TNFRSF17: variants seen among roughly 807,000 people sequenced by gnomAD.
TNFRSF17 encodes TNF receptor superfamily member 17.
TNFRSF17 carries 13 observed loss-of-function variants against 9.9 expected under a neutral mutation model. That is an observed-to-expected ratio of 1.31 (90% CI 0.85 to 2.08). TNFRSF17 has a LOEUF of 2.08. Ranked by LOEUF, TNFRSF17 falls within the 30% of genes most tolerant of loss-of-function variation. The pLI is 0.00. For synonymous variants in TNFRSF17, 99 were observed against 83.7 expected, an observed-to-expected ratio of 1.18 and a Z score of -1.00; for missense variants, 305 against 225.8, an observed-to-expected ratio of 1.35 and a Z score of -2.25.
intron 2 of TNFRSF17, chr16:11,967,024 G>A: frequency 5.2e-6 from 1 of 192,574 alleles, no homozygotes; most frequent in Non-Finnish European, 1.1e-5. Context: ...ATTTAGAGAT[G>A]GAGTCTCGCT....
chr16:11,965,439 C>A lies in TNFRSF17; in HGVS notation c.115C>A (p.Arg39Ser). The change falls in exon 1 of 3, where the codon CGT (arginine) becomes AGT (serine). Residue 39 changes from arginine to serine, a missense_variant. By Grantham distance (110) the Arg-to-Ser change is moderately radical. Coordinates refer to ENST00000053243, the MANE Select transcript of TNFRSF17 (RefSeq NM_001192.3). ...SSNTPPLTCQ[R>S]YCNASVTNSV... ...TAATACTCCTCCTCTAACATGTCAG[C>A]GTTATTGTAATGCAAGTAAGTAATA... The A allele has an allele frequency of 6.2e-7, 1 of 1,613,984 alleles. No homozygotes were observed. Among genetic ancestry groups the A allele is most frequent in the East Asian group, 2.2e-5 (1 of 44,882 alleles).
Position 11,967,755 on chromosome 16 carries a change from A to G in TNFRSF17, c.463A>G (p.Ile155Val). The G allele has an allele frequency of 6.2e-7, 1 of 1,614,222 alleles. No individual in the cohort carries two copies. The highest frequency in any genetic ancestry group is 8.5e-7 in the Non-Finnish European group (1 of 1,180,044). ...CCCAGCTATGGAGGAAGGCGCAACC[A>G]TTCTTGTCACCACGAAAACGAATGA... ...PLPAMEEGAT[I>V]LVTTKTNDYC... The change falls in exon 3 of 3, where the codon ATT becomes GTT. Residue 155 changes from isoleucine to valine, a missense_variant. Transcript: ENST00000053243.
chr16:11,967,551 T>G lies in TNFRSF17; in HGVS notation c.278-19T>G. 1 of 1,602,666 alleles carries G rather than the reference T, an allele frequency of 6.2e-7. No individual in the cohort carries two copies. Among genetic ancestry groups the G allele is most frequent in the Non-Finnish European group, 8.5e-7 (1 of 1,172,392 alleles). On this transcript the variant is annotated intron_variant, in intron 2 of 2. Coordinates refer to ENST00000053243, the MANE Select transcript of TNFRSF17 (RefSeq NM_001192.3). ...TCTCTGTGAAGTTTGGGTTAATGTT[T>G]CCGTTTCTACATAATTAGGATCAGG...
In TNFRSF17 at chr16:11,967,666, A is replaced by C. The variant is rs540411283; in HGVS notation, c.374A>C (p.Glu125Ala). 13 of 1,614,178 alleles carry C rather than the reference A, an allele frequency of 8.1e-6. No individual in the cohort carries two copies. The African/African-American group carries it at 1.6e-4, about 20-fold the overall frequency. ...AGAGGCCTCGAGTACACGGTGGAAG[A>C]ATGCACCTGTGAAGACTGCATCAAG... ...LPRGLEYTVE[E>A]CTCEDCIKSK... The change falls in exon 3 of 3, where the codon GAA becomes GCA. Residue 125 changes from glutamate to alanine, a missense_variant. Coordinates refer to ENST00000053243, the MANE Select transcript of TNFRSF17 (RefSeq NM_001192.3).
chr16:11,967,498 T>A, intron 2 of TNFRSF17, 72 bp from the exon 3 acceptor site: 1 of 1,455,256 alleles, frequency 6.9e-7, no homozygotes, highest in East Asian at 2.3e-5. Flanking sequence ...AGTCCCGATG[T>A]GTACTGCTAA....
In TNFRSF17 at chr16:11,966,228, T is replaced by A. The variant is rs768545253; in HGVS notation, c.164T>A (p.Ile55Asn). The change falls in exon 2 of 3, where the codon ATT (isoleucine) becomes AAT (asparagine). Residue 55 changes from isoleucine to asparagine, a missense_variant. Ile to Asn is a moderately radical substitution (Grantham distance 149). Transcript: ENST00000053243. ...AATTCAGTGAAAGGAACGAATGCGA[T>A]TCTCTGGACCTGTTTGGGACTGAGC... ...VTNSVKGTNA[I>N]LWTCLGLSLI... 2.5e-6 allele frequency: 4 copies of A among 1,613,708 alleles called. No individual in the cohort carries two copies. The South Asian group carries it at 4.4e-5, about 18-fold the overall frequency.
intron 2 of TNFRSF17, chr16:11,967,230 GACCACAA>G: frequency 8.4e-6 from 2 of 239,284 alleles, no homozygotes; most frequent in African/African-American, 2.3e-5. Flanking sequence ...TCAAGCTCCT[GACCACAA>G]GTGATCTGCC....
chr16:11,966,062 G>GA, intron 1 of TNFRSF17, 133 bp from the exon 2 acceptor site: 1 of 809,344 alleles, frequency 1.2e-6, no homozygotes, highest in South Asian at 2.7e-5. Flanking sequence ...AGTGAGCCGA[G>GA]ATCGCGCCAC....
rs749695144 is a variant in TNFRSF17 at position 11,967,586 on chromosome 16, C to T, written c.294C>T (p.Gly98=). The change falls in exon 3 of 3, where the codon GGC becomes GGT. Residue 98 remains glycine, a synonymous_variant. Coordinates refer to ENST00000053243, the MANE Select transcript of TNFRSF17 (RefSeq NM_001192.3). ...CATAATTAGGATCAGGTCTCCTGGG[C>T]ATGGCTAACATTGACCTGGAAAAGA... ...EFKNTGSGLL[G]MANIDLEKSR... The T allele has an allele frequency of 9.9e-6, 16 of 1,613,038 alleles. No homozygotes were observed. The highest frequency in any genetic ancestry group is 1.3e-5 in the Non-Finnish European group (15 of 1,179,260).
intron 2 of TNFRSF17, chr16:11,967,037 G>A: frequency 4.9e-6 from 1 of 203,276 alleles, no homozygotes; most frequent in Non-Finnish European, 1.0e-5. Context: ...GTCTCGCTCT[G>A]TGGCCCAGGC....
In TNFRSF17 at chr16:11,966,193, A is replaced by T; in HGVS notation, c.131-2A>T. 1 of 1,607,720 alleles carries T rather than the reference A, an allele frequency of 6.2e-7. No homozygotes were observed. Among genetic ancestry groups the T allele is most frequent in the South Asian group, 1.1e-5 (1 of 89,844 alleles). ...TATCTGTCTGATGTTCTTTTCATAAAGGTGTGACCAATTCAGTGAAAGGAA... is the reference window on the plus strand; with the variant it reads ...TATCTGTCTGATGTTCTTTTCATAATGGTGTGACCAATTCAGTGAAAGGAA... On this transcript the variant is annotated splice_acceptor_variant, in intron 1 of 2. Coordinates refer to ENST00000053243, the MANE Select transcript of TNFRSF17 (RefSeq NM_001192.3). LOFTEE classifies it high-confidence loss of function.
chr16:11,966,466 A>T (rs2055195159), intron 2 of TNFRSF17, 125 bp downstream of exon 2: 2 of 970,876 alleles, frequency 2.1e-6, no homozygotes, highest in Admixed American at 5.8e-5. Flanking sequence ...GTGTTAGAAC[A>T]TTGTTACATT....
At position 11,967,707 on chromosome 16, in the gene TNFRSF17, G is replaced by C. The variant is rs767893828; in HGVS notation, c.415G>C (p.Asp139His). The C allele has an allele frequency of 6.2e-7, 1 of 1,614,048 alleles. No homozygotes were observed. The change falls in exon 3 of 3, where the codon GAC becomes CAC. Residue 139 changes from aspartate (D) to histidine (H), a missense_variant. Coordinates refer to ENST00000053243, the MANE Select transcript of TNFRSF17 (RefSeq NM_001192.3). The part of the protein sequence containing the change: ...EDCIKSKPKV[D>H]SDHCFPLPAM... Reference sequence around the variant, plus strand: ...CTGCATCAAGAGCAAACCGAAGGTCGACTCTGACCATTGCTTTCCACTCCC... The same window carrying C: ...CTGCATCAAGAGCAAACCGAAGGTCCACTCTGACCATTGCTTTCCACTCCC...
At position 11,965,246 on chromosome 16, in the gene TNFRSF17, G is replaced by C; in HGVS notation, c.-79G>C. 1.9e-6 allele frequency: 3 copies of C among 1,571,268 alleles called. No individual in the cohort carries two copies. The highest frequency in any genetic ancestry group is 1.4e-5 in the African/African-American group (1 of 73,796). On this transcript the variant is annotated 5_prime_UTR_variant, in exon 1 of 3. Transcript: ENST00000053243. The stretch of plus-strand genomic sequence containing the variant: ...CATTCTAGCTGCTCTTGCTGCATTT[G>C]CTCTGGAATTCTTGTAGAGATATTA...
In TNFRSF17 at chr16:11,965,303, C is replaced by A; in HGVS notation, c.-22C>A. The A allele has an allele frequency of 6.2e-7, 1 of 1,613,758 alleles. No homozygotes were observed. The highest frequency in any genetic ancestry group is 8.5e-7 in the Non-Finnish European group (1 of 1,179,812). ...CTTCCAGGCTGTTCTTTCTGTAGCT[C>A]CCTTGTTTTCTTTTTGTGATCATGT... On this transcript the variant is annotated 5_prime_UTR_variant, in exon 1 of 3. Coordinates refer to ENST00000053243, the MANE Select transcript of TNFRSF17 (RefSeq NM_001192.3).
In TNFRSF17 at chr16:11,967,719, T is replaced by G; in HGVS notation, c.427T>G (p.Cys143Gly). 1.2e-6 allele frequency: 2 copies of G among 1,614,186 alleles called. No homozygotes were observed. The highest frequency in any genetic ancestry group is 1.7e-6 in the Non-Finnish European group (2 of 1,180,048). ...CAAACCGAAGGTCGACTCTGACCATTGCTTTCCACTCCCAGCTATGGAGGA... is the reference window on the plus strand; with the variant it reads ...CAAACCGAAGGTCGACTCTGACCATGGCTTTCCACTCCCAGCTATGGAGGA... ...KSKPKVDSDH[C>G]FPLPAMEEGA... The change falls in exon 3 of 3, where the codon TGC (cysteine) becomes GGC (glycine). Residue 143 changes from cysteine (C) to glycine (G), a missense_variant. Coordinates refer to ENST00000053243, the MANE Select transcript of TNFRSF17 (RefSeq NM_001192.3).
At position 11,966,303 on chromosome 16, in the gene TNFRSF17, T is replaced by C. The variant is rs768479335; in HGVS notation, c.239T>C (p.Ile80Thr). The stretch of plus-strand genomic sequence containing the variant: ...GTGCTAATGTTTTTGCTAAGGAAGA[T>C]AAACTCTGAACCATTAAAGGACGAG... ...VFVLMFLLRK[I>T]NSEPLKDEFK... Residue 80 changes from isoleucine (I) to threonine (T), a missense_variant, in exon 2 of 3, where the codon ATA becomes ACA. Transcript: ENST00000053243. 6 of 1,613,966 alleles carry C rather than the reference T, an allele frequency of 3.7e-6. No individual in the cohort carries two copies. The highest frequency in any genetic ancestry group is 5.1e-6 in the Non-Finnish European group (6 of 1,179,944).
At position 11,967,774 on chromosome 16, in the gene TNFRSF17, C is replaced by T. The variant is rs1161246207; in HGVS notation, c.482C>T (p.Thr161Met). 2.5e-6 allele frequency: 4 copies of T among 1,614,194 alleles called. No individual in the cohort carries two copies. The highest frequency in any genetic ancestry group is 3.3e-5 in the Admixed American group (2 of 60,004). ...GCAACCATTCTTGTCACCACGAAAA[C>T]GAATGACTATTGCAAGAGCCTGCCA... ...EGATILVTTK[T>M]NDYCKSLPAA... Residue 161 changes from threonine to methionine, a missense_variant, in exon 3 of 3, where the codon ACG (threonine) becomes ATG (methionine). Coordinates refer to ENST00000053243, the MANE Select transcript of TNFRSF17 (RefSeq NM_001192.3).
chr16:11,966,073 T>G (rs889893601), intron 1 of TNFRSF17, 122 bp from the exon 2 acceptor site: 1 of 996,164 alleles, frequency 1.0e-6, no homozygotes, highest in Non-Finnish European at 1.4e-6. Context: ...ATCGCGCCAC[T>G]GCACTCTAGC....
Sources: allele counts gnomAD v4.1 joint callset, GRCh38; gene constraint gnomAD v4.1.1; transcripts MANE v1.5; gene names NCBI Gene and HGNC (gene_info 2026-07-23, HGNC 2026-07-21).